PDLIM5: variants seen among roughly 807,000 people sequenced by gnomAD.
PDLIM5 encodes PDZ and LIM domain protein 5.
PDLIM5 carries 34 observed loss-of-function variants against 64.2 expected under a neutral mutation model. The observed-to-expected ratio is 0.53, with a 90% CI of 0.40 to 0.71. The LOEUF (loss-of-function observed/expected upper bound fraction) is 0.71, where lower values mean the gene tolerates loss of function less well. PDLIM5 is among the 30% of genes least tolerant of loss of function. The probability of loss-of-function intolerance (pLI) is 0.00; values close to 1 mark genes in which losing one functional copy is unlikely to be tolerated. For synonymous variants in PDLIM5, 253 were observed against 269.1 expected (o/e 0.94, Z 0.59); for missense variants, 683 against 733.6 (o/e 0.93, Z 0.80).
At chr4:94,621,003 G>C (rs942450293) in intron 8 of PDLIM5, among the ~76,000 whole-genome samples, 5 of 135,890 alleles carry the variant, frequency 3.7e-5, no homozygotes, top group African/African-American at 1.6e-4. Flanking sequence ...CCCAGGAGGC[G>C]AAGGTTGCAG....
intron 7 of PDLIM5, chr4:94,608,074 G>A (rs1442247059): frequency 6.5e-7 from 1 of 1,531,554 alleles, no homozygotes; most frequent in African/African-American, 1.4e-5. Flanking sequence ...ACAGTGCTCT[G>A]GAAGACCTAC....
At chr4:94,635,982 T>A (rs1359549229) in intron 8 of PDLIM5, among the ~76,000 whole-genome samples, 1 of 152,234 alleles carries the variant, frequency 6.6e-6, no homozygotes, top group African/African-American at 2.4e-5. Context: ...CCAAAGTGGT[T>A]AAAATGGGGC....
Position 94,656,292 on chromosome 4 carries a change from A to G in PDLIM5, c.1465-1135A>G, listed in dbSNP as rs566269743. Reference sequence around the variant, plus strand: ...TAGAAAGAGTATTCACTACTCATCCAAAATTATTTTAATGGCTCCATCTTT... The same window carrying G: ...TAGAAAGAGTATTCACTACTCATCCGAAATTATTTTAATGGCTCCATCTTT... On this transcript the variant is annotated intron_variant, in intron 10 of 12. Transcript: ENST00000317968. Among the ~76,000 whole-genome samples the G allele has an allele frequency of 1.0e-3, 152 of 152,156 alleles. 1 individual carries two copies. Among genetic ancestry groups the G allele is most frequent in the Non-Finnish European group, 1.9e-3 (127 of 67,974 alleles).
Position 94,523,915 on chromosome 4 carries a change from A to G in PDLIM5, c.248+40A>G, listed in dbSNP as rs376823377. 24 of 1,524,584 alleles carry G rather than the reference A, an allele frequency of 1.6e-5. No homozygotes were observed. The African/African-American group carries it at 2.9e-4, about 18-fold the overall frequency. 94.4% of individuals were successfully genotyped at this position (1,524,584 alleles called of 1,614,324 possible). On this transcript the variant is annotated intron_variant, in intron 3 of 12. Coordinates refer to ENST00000317968, the MANE Select transcript of PDLIM5 (RefSeq NM_006457.5). ...GTTTGTCCCTGAAAGAGAAAACAAC[A>G]TTGAGGAATGTGTTTTTGTGTGTCT...
At chr4:94,625,505 T>C (rs955579147) in intron 8 of PDLIM5, among the ~76,000 whole-genome samples, 1 of 151,238 alleles carries the variant, frequency 6.6e-6, no homozygotes, top group African/African-American at 2.4e-5. Context: ...CAGGCTGGAG[T>C]GCAGTGGCGC....
At chr4:94,596,050 T>G (rs114040740) in intron 7 of PDLIM5, among the ~76,000 whole-genome samples, 1 of 152,218 alleles carries the variant, frequency 6.6e-6, no homozygotes, top group South Asian at 2.1e-4. Context: ...TACTGTTTTA[T>G]GCAAATACTG....
rs189652484 is a variant in PDLIM5 at position 94,616,428 on chromosome 4, G to A, written c.921-1576G>A. 3.3e-4 allele frequency among the ~76,000 whole-genome samples: 50 copies of A among 152,242 alleles called. No homozygotes were observed. The East Asian group carries it at 8.1e-3, about 25-fold the overall frequency. On this transcript the variant is annotated intron_variant, in intron 7 of 12. Transcript: ENST00000317968. ...TATTTAAGCCTCGTAGAAATCTTAT[G>A]AGCAAAATGTTACTCGGTACACTTA...
intron 3 of PDLIM5, among the ~76,000 whole-genome samples, chr4:94,543,185 A>G (rs1332706835): frequency 6.6e-6 from 1 of 152,188 alleles, no homozygotes; most frequent in African/African-American, 2.4e-5. Flanking sequence ...ATTCTCTCCC[A>G]GTTCTGGAGG....
At chr4:94,604,471 T>C (rs1179975895) in intron 7 of PDLIM5, among the ~76,000 whole-genome samples, 5 of 152,052 alleles carry the variant, frequency 3.3e-5, no homozygotes, top group African/African-American at 1.2e-4. Context: ...CCGTCTCTAC[T>C]AAAAACACAA....
At chr4:94,597,964 T>C (rs2110343281) in intron 7 of PDLIM5, among the ~76,000 whole-genome samples, 1 of 152,254 alleles carries the variant, frequency 6.6e-6, no homozygotes, top group East Asian at 1.9e-4. Flanking sequence ...TTTGGATAGA[T>C]TGGGAGAGAT....
At chr4:94,530,704 G>A (rs894653060) in intron 3 of PDLIM5, among the ~76,000 whole-genome samples, 1 of 152,096 alleles carries the variant, frequency 6.6e-6, no homozygotes, top group African/African-American at 2.4e-5. Flanking sequence ...AAATATTGAT[G>A]TACTACTCTT....
chr4:94,504,593 T>C (rs998407928), intron 2 of PDLIM5, among the ~76,000 whole-genome samples: 3 of 152,110 alleles, frequency 2.0e-5, no homozygotes, highest in African/African-American at 7.2e-5. Context: ...CCCGTTACGC[T>C]ATTTTCATGG....
At chr4:94,581,972 C>T (rs898116787) in intron 5 of PDLIM5, among the ~76,000 whole-genome samples, 4 of 152,166 alleles carry the variant, frequency 2.6e-5, no homozygotes, top group Non-Finnish European at 5.9e-5. Context: ...CCACAAATCA[C>T]TTCTGAAGTT....
At chr4:94,614,811 C>T (rs1738642948) in intron 7 of PDLIM5, among the ~76,000 whole-genome samples, 1 of 152,104 alleles carries the variant, frequency 6.6e-6, no homozygotes. Flanking sequence ...TTATATGATA[C>T]TTATTCTGTG....
Position 94,664,075 on chromosome 4 carries a change from C to T in PDLIM5, c.*8C>T. 6.3e-7 allele frequency: 1 copy of T among 1,579,454 alleles called. No individual in the cohort carries two copies. The highest frequency in any genetic ancestry group is 8.7e-7 in the Non-Finnish European group (1 of 1,155,404). ...CATTCTGTGAATTTTTGAAAGTCAA[C>T]AGTTCAGGAGAAGAGAAGGAATTTG... On this transcript the variant is annotated 3_prime_UTR_variant, in exon 13 of 13. Coordinates refer to ENST00000317968, the MANE Select transcript of PDLIM5 (RefSeq NM_006457.5).
intron 3 of PDLIM5, among the ~76,000 whole-genome samples, chr4:94,562,469 G>A (rs1733932066): frequency 6.6e-6 from 1 of 152,330 alleles, no homozygotes; most frequent in South Asian, 2.1e-4. Flanking sequence ...TATTTAATCT[G>A]TGGGTCCTGG....
chr4:94,460,592 G>T (rs1723785917), intron 2 of PDLIM5, among the ~76,000 whole-genome samples: 1 of 148,200 alleles, frequency 6.7e-6, no homozygotes. Context: ...CTGTACTCCA[G>T]TCTGTGCCAC....
intron 2 of PDLIM5, among the ~76,000 whole-genome samples, chr4:94,486,147 G>C (rs1012331836): frequency 6.6e-6 from 1 of 152,094 alleles, no homozygotes; most frequent in Non-Finnish European, 1.5e-5. Flanking sequence ...TATCGTCTGT[G>C]AACATCTAAC....
chr4:94,649,671 A>T (rs1231744394), intron 9 of PDLIM5, among the ~76,000 whole-genome samples: 1 of 152,194 alleles, frequency 6.6e-6, no homozygotes, highest in African/African-American at 2.4e-5. Flanking sequence ...AGTCTTGCTC[A>T]ATTGATAGAT....
Sources: allele counts gnomAD v4.1 joint callset (sites outside exome capture counted in the v4.1 genomes callset), GRCh38; gene constraint gnomAD v4.1.1; transcripts MANE v1.5; gene names NCBI Gene and HGNC (gene_info 2026-07-23, HGNC 2026-07-21).